Variants in DUX4 observed in about 807,000 individuals in gnomAD.
DUX4 encodes double homeobox protein 4.
chr4:190,178,893 C>CCGAG (rs1742461265), downstream of DUX4, among the ~76,000 whole-genome samples: 1 of 140,066 alleles, frequency 7.1e-6, no homozygotes. Flanking sequence ...AGATCTATGT[C>CCGAG]ACAATGCCCC....
At chr4:190,177,607 T>TC (rs1742377561), downstream of DUX4, among the ~76,000 whole-genome samples, 2 of 131,996 alleles carry the variant, frequency 1.5e-5, no homozygotes, top group Non-Finnish European at 1.7e-5. Flanking sequence ...TATGCCCCCA[T>TC]AGGCAGATCC....
downstream of DUX4, among the ~76,000 whole-genome samples, chr4:190,177,172 G>T (rs1742347143): frequency 1.3e-5 from 2 of 150,616 alleles, no homozygotes; most frequent in African/African-American, 4.8e-5. Context: ...GATGATCTGT[G>T]CAGAGCTATG....
At chr4:190,177,803 G>T (rs1742387061), downstream of DUX4, among the ~76,000 whole-genome samples, 1 of 147,336 alleles carries the variant, frequency 6.8e-6, no homozygotes. Flanking sequence ...ATGTCACAAT[G>T]CCCCCTTTTG....
At chr4:190,175,470 A>G (rs1742238488) in intron 1 of DUX4, among the ~76,000 whole-genome samples, 177 bp from the exon 2 acceptor site, 2 of 29,454 alleles carry the variant, frequency 6.8e-5, no homozygotes, top group Non-Finnish European at 8.5e-5. Flanking sequence ...CCGTCCCGCG[A>G]AACACCGGGC....
At chr4:190,177,060 TA>T (rs1742339655), downstream of DUX4, among the ~76,000 whole-genome samples, 1 of 127,658 alleles carries the variant, frequency 7.8e-6, no homozygotes. Flanking sequence ...AATCCCCCTC[TA>T]GGCAGAGTAT....
intron 1 of DUX4, among the ~76,000 whole-genome samples, chr4:190,181,720 C>G (rs1579837997): frequency 8.8e-4 from 67 of 76,474 alleles, no homozygotes; most frequent in Admixed American, 1.5e-3. Flanking sequence ...AGATCCAACA[C>G]AAGAGTTACA....
downstream of DUX4, among the ~76,000 whole-genome samples, chr4:190,178,364 G>GGTGATTTTGTGCACAGATATTTCA (rs1742420757): frequency 6.6e-6 from 1 of 150,658 alleles, no homozygotes; most frequent in Non-Finnish European, 1.5e-5. Flanking sequence ...TCCCCTGTAG[G>GGTGATTTTGTGCACAGATATTTCA]CAAAGCCTAG....
At position 190,182,379 on chromosome 4, in the gene DUX4, A is replaced by C. The variant is rs1579838572; in HGVS notation, n.93-2962A>C. On this transcript the variant is annotated intron_variant and non_coding_transcript_variant, in intron 1 of 2. Coordinates refer to the DUX4 transcript ENST00000563716. ...CGGGTTCAGGTTAAGAGTTAGGGTT[A>C]GGGTTACTGGTTAGGGTTAGGGGTT... Among the ~76,000 whole-genome samples the C allele has an allele frequency of 1.8e-4, 9 of 50,356 alleles. No individual in the cohort carries two copies. The East Asian group carries it at 3.8e-3, about 21-fold the overall frequency. The allele number at this position is 50,356 out of a possible 152,430, so 33.0% of individuals were successfully genotyped here. A position where few individuals can be genotyped will look rare whatever the true frequency, so the allele number is the denominator to read the frequency against.
downstream of DUX4, among the ~76,000 whole-genome samples, chr4:190,177,444 T>TCACAATTCCCCTTTAGGCGCA (rs1742367636): frequency 6.6e-6 from 1 of 151,174 alleles, no homozygotes; most frequent in Non-Finnish European, 1.5e-5. Context: ...GGGTGATCAG[T>TCACAATTCCCCTTTAGGCGCA]GCAAAGATAT....
At chr4:190,179,300 T>C (rs1579835291), downstream of DUX4, among the ~76,000 whole-genome samples, 419 of 38,380 alleles carry the variant, frequency 0.011, no homozygotes, top group Admixed American at 0.02. Flanking sequence ...CAGAGATATG[T>C]CACAATGCCA....
At chr4:190,182,104 A>T (rs1310807913) in intron 1 of DUX4, 1 of 121,110 alleles carries the variant, frequency 8.3e-6, no homozygotes. Context: ...ATATGTCACA[A>T]TGCCTCCTGT....
chr4:190,177,731 C>A (rs1165006692), downstream of DUX4, among the ~76,000 whole-genome samples: 208 of 20,040 alleles, frequency 0.01, no homozygotes, highest in East Asian at 0.024. Flanking sequence ...AGATATATCA[C>A]AATGCCCCTG....
At chr4:190,177,137 G>GCCTA (rs1742343835), downstream of DUX4, among the ~76,000 whole-genome samples, 1 of 149,606 alleles carries the variant, frequency 6.7e-6, no homozygotes, top group Admixed American at 6.8e-5. Flanking sequence ...TGTAGGCAGA[G>GCCTA]AGTGGACAAG....
At chr4:190,176,392 A>T (rs1323189018), downstream of DUX4, among the ~76,000 whole-genome samples, 2 of 111,974 alleles carry the variant, frequency 1.8e-5, 1 homozygote, top group Non-Finnish European at 4.2e-5. Context: ...GAACCTAGAC[A>T]GGAGTTACAT....
chr4:190,178,704 G>GTCCGAACTTAGATGTGTTACATGAGT (rs1742444814), downstream of DUX4, among the ~76,000 whole-genome samples: 1 of 149,744 alleles, frequency 6.7e-6, no homozygotes, highest in African/African-American at 2.4e-5. Context: ...AGCTCCTGTA[G>GTCCGAACTTAGATGTGTTACATGAGT]GCAGAGCTTA....
chr4:190,179,508 C>CAT (rs1742499553), downstream of DUX4, among the ~76,000 whole-genome samples: 1 of 34,590 alleles, frequency 2.9e-5, no homozygotes, highest in Non-Finnish European at 5.7e-5. Flanking sequence ...AGATATGTCA[C>CAT]AAGCCCCCTG....
chr4:190,176,584 G>A (rs1742311987), downstream of DUX4, among the ~76,000 whole-genome samples: 3 of 116,884 alleles, frequency 2.6e-5, 1 homozygote, highest in South Asian at 9.4e-4. Context: ...CCTCCTGTAG[G>A]CAGAACGTAG....
downstream of DUX4, among the ~76,000 whole-genome samples, chr4:190,178,706 C>T (rs1742445060): frequency 2.9e-4 from 37 of 127,910 alleles, no homozygotes; most frequent in African/African-American, 5.5e-4. Context: ...CTCCTGTAGG[C>T]AGAGCTTAGA....
At chr4:190,181,794 GT>G (rs1742595784) in intron 1 of DUX4, among the ~76,000 whole-genome samples, 1 of 5,958 alleles carries the variant, frequency 1.7e-4, no homozygotes, top group African/African-American at 5.2e-4. Flanking sequence ...CTAGAGGAGA[GT>G]TACATCATCT....
Sources: allele counts gnomAD v4.1 joint callset (sites outside exome capture counted in the v4.1 genomes callset), GRCh38; gene constraint gnomAD v4.1.1; transcripts MANE v1.5; gene names NCBI Gene and HGNC (gene_info 2026-07-23, HGNC 2026-07-21).